ANO1: variants seen among roughly 807,000 people sequenced by gnomAD.
The protein encoded by ANO1 is anoctamin-1.
ANO1 carries 59 observed loss-of-function variants against 124.0 expected under a neutral mutation model. That is an observed-to-expected ratio of 0.48 (90% CI 0.39 to 0.59). The LOEUF (loss-of-function observed/expected upper bound fraction) is 0.59. ANO1 is among the 20% of genes least tolerant of loss of function. The pLI is 0.00. For synonymous variants in ANO1, 529 were observed against 532.0 expected, an observed-to-expected ratio of 0.99 and a Z score of 0.08; for missense variants, 1,059 against 1,328.0, an observed-to-expected ratio of 0.80 and a Z score of 3.15.
chr11:70,163,391 T>C, intron 19 of ANO1, 51 bp downstream of exon 19: 2 of 1,597,786 alleles, frequency 1.3e-6, no homozygotes, highest in South Asian at 2.2e-5. Flanking sequence ...TTGCTTACGA[T>C]TTGTCTACAC....
chr11:70,016,135 C>A (rs1806188363), intron 1 of ANO1, among the ~76,000 whole-genome samples: 1 of 151,666 alleles, frequency 6.6e-6, no homozygotes, highest in Non-Finnish European at 1.5e-5. Flanking sequence ...TCAATGAATT[C>A]TCCTGCTTCG....
intron 1 of ANO1, among the ~76,000 whole-genome samples, chr11:70,010,179 G>GTCTGTGTGTGTATATATATATATATA: frequency 3.6e-5 from 3 of 83,812 alleles, no homozygotes; most frequent in Non-Finnish European, 7.2e-5. Context: ...GTGTGTGTGT[G>GTCTGTGTGTGTATATATATATATATA]TATATATATA....
At chr11:70,111,880 G>A (rs945495054) in intron 7 of ANO1, 118 bp downstream of exon 7, 24 of 1,072,702 alleles carry the variant, frequency 2.2e-5, no homozygotes, top group East Asian at 1.7e-4. Flanking sequence ...CTTGGCTCTC[G>A]CTGTAAATGT....
chr11:69,997,658 G>A (rs1029010276), intron 1 of ANO1, among the ~76,000 whole-genome samples: 1 of 152,230 alleles, frequency 6.6e-6, no homozygotes, highest in Non-Finnish European at 1.5e-5. Flanking sequence ...GGAGGGGCCT[G>A]GTGGGAGGTG....
At chr11:69,994,795 T>C (rs1450562682) in intron 1 of ANO1, among the ~76,000 whole-genome samples, 1 of 152,210 alleles carries the variant, frequency 6.6e-6, no homozygotes, top group Non-Finnish European at 1.5e-5. Context: ...TTCTACATAA[T>C]GACACAAGTG....
At chr11:70,036,893 C>T (rs1555004487) in intron 1 of ANO1, among the ~76,000 whole-genome samples, 1 of 152,250 alleles carries the variant, frequency 6.6e-6, no homozygotes, top group African/African-American at 2.4e-5. Flanking sequence ...AGGCGTGAGC[C>T]ACCGTGCCTA....
At chr11:70,103,027 C>A in intron 2 of ANO1, 39 bp from the exon 3 acceptor site, 2 of 1,377,632 alleles carry the variant, frequency 1.5e-6, no homozygotes, top group Non-Finnish European at 9.8e-7. Flanking sequence ...CAGAGATGCA[C>A]CGCCCCCCCT....
the ANO1 span, among the ~76,000 whole-genome samples, chr11:69,966,552 C>T: frequency 2.0e-5 from 3 of 152,186 alleles, no homozygotes; most frequent in African/African-American, 4.8e-5. Flanking sequence ...CACTGGGAAG[C>T]CCGAGGCCGG....
chr11:70,026,043 A>ATGG (rs1277322093), intron 1 of ANO1, among the ~76,000 whole-genome samples: 1 of 130,686 alleles, frequency 7.7e-6, no homozygotes, highest in Non-Finnish European at 1.6e-5. Context: ...GATGGTGATG[A>ATGG]TGGTGGTGGT....
chr11:70,144,539 C>A (rs544535050), intron 11 of ANO1, among the ~76,000 whole-genome samples: 53 of 152,352 alleles, frequency 3.5e-4, no homozygotes, highest in Non-Finnish European at 6.9e-4. Context: ...TCAACTGCTG[C>A]CTCTGGACGC....
chr11:69,966,313 C>G, the ANO1 span, among the ~76,000 whole-genome samples: 1 of 152,208 alleles, frequency 6.6e-6, no homozygotes, highest in Non-Finnish European at 1.5e-5. Flanking sequence ...GGAGGAGGCC[C>G]TGCCCTCAGG....
intron 12 of ANO1, among the ~76,000 whole-genome samples, chr11:70,152,032 A>G (rs1315994953): frequency 6.6e-6 from 1 of 152,072 alleles, no homozygotes; most frequent in Non-Finnish European, 1.5e-5. Context: ...CTTCATCCTA[A>G]TTCTTAAGAA....
intron 1 of ANO1, among the ~76,000 whole-genome samples, chr11:70,044,092 C>T (rs1857222145): frequency 6.6e-6 from 1 of 151,742 alleles, no homozygotes; most frequent in East Asian, 1.9e-4. Context: ...GGTTTTTAAA[C>T]TATATGTGAA....
intron 1 of ANO1, among the ~76,000 whole-genome samples, chr11:70,003,595 GTGGATGGATGGATGGA>G (rs531812390): frequency 1.5e-5 from 1 of 65,876 alleles, no homozygotes; most frequent in Non-Finnish European, 3.8e-5. Context: ...GGATGGATGG[GTGGATGGATGGATGGA>G]TGGATGGATG....
chr11:70,133,172 C>T (rs1193578280), intron 11 of ANO1, among the ~76,000 whole-genome samples: 6 of 152,146 alleles, frequency 3.9e-5, no homozygotes, highest in Non-Finnish European at 8.8e-5. Flanking sequence ...AGGCAAGGGG[C>T]AAATGTGGAC....
intron 12 of ANO1, among the ~76,000 whole-genome samples, chr11:70,151,772 A>G (rs571141122): frequency 6.8e-4 from 103 of 152,312 alleles, no homozygotes; most frequent in African/African-American, 2.3e-3. Flanking sequence ...GCCCCTCCAC[A>G]TAGCCTGAAC....
intron 1 of ANO1, chr11:69,986,223 C>G (rs1856037597): frequency 6.6e-6 from 1 of 152,482 alleles, no homozygotes; most frequent in African/African-American, 2.4e-5. Context: ...CGCAGTGGAT[C>G]TGGGACGCCC....
intron 1 of ANO1, chr11:70,056,308 A>C (rs1555006857): frequency 6.6e-6 from 1 of 152,052 alleles, no homozygotes; most frequent in African/African-American, 2.4e-5. Flanking sequence ...ATTGGCAGTA[A>C]TTTTCTTTCA....
intron 10 of ANO1, 70 bp from the exon 11 acceptor site, chr11:70,131,849 A>G: frequency 6.6e-7 from 1 of 1,525,642 alleles, no homozygotes; most frequent in Non-Finnish European, 8.8e-7. Flanking sequence ...CTCCCAGGCC[A>G]GCTCGGCACC....
Sources: gnomAD v4.1 joint callset for allele counts (sites outside exome capture counted in the v4.1 genomes callset) on GRCh38, gnomAD v4.1.1 for gene constraint, MANE v1.5 for transcripts, NCBI Gene and HGNC (gene_info 2026-07-23, HGNC 2026-07-21) for gene names.